DCC: variants seen among roughly 807,000 people sequenced by gnomAD.
The protein encoded by DCC is netrin receptor DCC.
In DCC, 58 loss-of-function variants were observed where a neutral mutation model predicts 172.5. The ratio of observed to expected loss-of-function variants is 0.34; its 90% confidence interval spans 0.27 to 0.42. DCC has a LOEUF of 0.42. DCC is among the 10% of genes least tolerant of loss of function. The pLI is 1.00. For synonymous variants in DCC, 709 were observed against 644.5 expected (o/e 1.10, Z -1.52); for missense variants, 1,740 against 1,791.0 (o/e 0.97, Z 0.51).
chr18:53,081,245 T>G (rs200440186), intron 7 of DCC, among the ~76,000 whole-genome samples: 5 of 152,082 alleles, frequency 3.3e-5, no homozygotes, highest in African/African-American at 9.7e-5. Flanking sequence ...ATTTATGTAA[T>G]GAGTTCACAA....
At chr18:53,257,696 G>A (rs1198524031) in intron 12 of DCC, among the ~76,000 whole-genome samples, 1 of 152,128 alleles carries the variant, frequency 6.6e-6, no homozygotes, top group Non-Finnish European at 1.5e-5. Flanking sequence ...TCTCTGCCAG[G>A]CTTTGGTATC....
At chr18:53,418,915 C>T (rs537969637) in intron 21 of DCC, among the ~76,000 whole-genome samples, 1 of 152,152 alleles carries the variant, frequency 6.6e-6, no homozygotes, top group Non-Finnish European at 1.5e-5. Flanking sequence ...ATTTTTAAAA[C>T]TTTCTAATCT....
intron 7 of DCC, among the ~76,000 whole-genome samples, chr18:53,150,946 A>G (rs2043987883): frequency 2.6e-5 from 4 of 152,186 alleles, no homozygotes; most frequent in Admixed American, 2.6e-4. Flanking sequence ...CTGAGAAAGT[A>G]TAGCTGATAT....
chr18:53,300,871 C>A (rs2057125950), intron 12 of DCC, among the ~76,000 whole-genome samples: 1 of 152,040 alleles, frequency 6.6e-6, no homozygotes, highest in Admixed American at 6.5e-5. Flanking sequence ...TTCTATCTCC[C>A]TGGAGAGTCT....
chr18:53,199,556 C>T (rs1321320628), intron 9 of DCC, among the ~76,000 whole-genome samples: 5 of 151,880 alleles, frequency 3.3e-5, no homozygotes, highest in African/African-American at 1.2e-4. Flanking sequence ...CATACCTATA[C>T]ATATCTTCAT....
intron 21 of DCC, among the ~76,000 whole-genome samples, chr18:53,428,373 TTATAA>T (rs1325477389): frequency 2.3e-5 from 1 of 42,982 alleles, no homozygotes; most frequent in Non-Finnish European, 5.3e-5. Flanking sequence ...TAATATAATA[TTATAA>T]TATATTGTAT....
At chr18:53,266,272 A>C (rs1450806061) in intron 12 of DCC, among the ~76,000 whole-genome samples, 5 of 152,296 alleles carry the variant, frequency 3.3e-5, no homozygotes, top group African/African-American at 1.2e-4. Flanking sequence ...CTGCTATTTC[A>C]ATCCTCATAC....
chr18:53,279,329 G>C (rs2056841010), intron 12 of DCC, among the ~76,000 whole-genome samples: 1 of 151,818 alleles, frequency 6.6e-6, no homozygotes, highest in Non-Finnish European at 1.5e-5. Context: ...AAAAAATGAT[G>C]AGTTCATGTC....
chr18:52,915,943 G>A (rs569735171), intron 3 of DCC, among the ~76,000 whole-genome samples: 4 of 152,162 alleles, frequency 2.6e-5, no homozygotes, highest in African/African-American at 9.6e-5. Flanking sequence ...GGAATTTCTT[G>A]AGATGCTTTC....
intron 14 of DCC, among the ~76,000 whole-genome samples, chr18:53,334,648 C>A (rs145291528): frequency 6.6e-6 from 1 of 152,284 alleles, no homozygotes; most frequent in African/African-American, 2.4e-5. Flanking sequence ...TTTAACTTCC[C>A]TGGGTACCTC....
At chr18:52,623,491 G>A (rs925568999) in intron 1 of DCC, among the ~76,000 whole-genome samples, 1 of 152,104 alleles carries the variant, frequency 6.6e-6, no homozygotes, top group African/African-American at 2.4e-5. Flanking sequence ...GGAGAGAGAG[G>A]CATGGATTAT....
chr18:52,814,115 C>A (rs530416567), intron 2 of DCC, among the ~76,000 whole-genome samples: 3 of 152,304 alleles, frequency 2.0e-5, no homozygotes, highest in Admixed American at 2.0e-4. Flanking sequence ...GTACCCTGTT[C>A]TTTCATTCTC....
chr18:52,560,338 A>G (rs1371343757), intron 1 of DCC, among the ~76,000 whole-genome samples: 6 of 152,234 alleles, frequency 3.9e-5, no homozygotes, highest in Admixed American at 2.6e-4. Flanking sequence ...ATCATGAAAC[A>G]TTGTTCTTTC....
chr18:52,762,776 T>C (rs1267043716), intron 2 of DCC, among the ~76,000 whole-genome samples: 1 of 152,036 alleles, frequency 6.6e-6, no homozygotes, highest in Non-Finnish European at 1.5e-5. Flanking sequence ...TGATCTATGA[T>C]TGCACCACTG....
At chr18:53,200,347 A>G (rs2055517533) in intron 9 of DCC, among the ~76,000 whole-genome samples, 1 of 152,212 alleles carries the variant, frequency 6.6e-6, no homozygotes, top group Non-Finnish European at 1.5e-5. Flanking sequence ...ACAATGATGA[A>G]TCAACAAAAT....
chr18:52,871,256 G>C (rs2039313889), intron 2 of DCC, among the ~76,000 whole-genome samples: 1 of 151,944 alleles, frequency 6.6e-6, no homozygotes, highest in Non-Finnish European at 1.5e-5. Context: ...AACCAAGAGA[G>C]TGTGCTCCCA....
intron 24 of DCC, among the ~76,000 whole-genome samples, chr18:53,466,097 T>C (rs1185375419): frequency 6.6e-6 from 1 of 152,164 alleles, no homozygotes; most frequent in Non-Finnish European, 1.5e-5. Flanking sequence ...CCACTTTATT[T>C]CTTTTAGTTT....
intron 1 of DCC, among the ~76,000 whole-genome samples, chr18:52,594,768 T>C (rs1298523644): frequency 6.6e-6 from 1 of 152,046 alleles, no homozygotes; most frequent in Non-Finnish European, 1.5e-5. Context: ...CAAGAGAGCG[T>C]AGCAAGGGAG....
chr18:53,511,915 G>C (rs1218798107), intron 27 of DCC, among the ~76,000 whole-genome samples: 1 of 152,226 alleles, frequency 6.6e-6, no homozygotes, highest in African/African-American at 2.4e-5. Context: ...GCCCAGGCTT[G>C]CTTAGGTAAA....
Sources: gnomAD v4.1 joint callset for allele counts (sites outside exome capture counted in the v4.1 genomes callset) on GRCh38, gnomAD v4.1.1 for gene constraint, MANE v1.5 for transcripts, NCBI Gene and HGNC (gene_info 2026-07-23, HGNC 2026-07-21) for gene names.